The following COL14A1 variants were observed in gnomAD, a reference collection of about 807,000 sequenced individuals.
The protein encoded by COL14A1 is collagen alpha-1(XIV) chain.
A neutral mutation model predicts 230.3 loss-of-function variants in COL14A1; 136 were observed. The ratio of observed to expected loss-of-function variants is 0.59; its 90% confidence interval spans 0.51 to 0.68. The LOEUF (loss-of-function observed/expected upper bound fraction) is 0.68, where lower values mean the gene tolerates loss of function less well. Ranked by LOEUF, COL14A1 falls within the 30% of genes least tolerant of loss-of-function variation. COL14A1 has a pLI of 0.00. For missense variants in COL14A1, 1,976 were observed against 2,215.8 expected (o/e 0.89, Z 2.17); for synonymous variants, 792 against 784.1 (o/e 1.01, Z -0.17).
chr8:120,285,702 C>T (rs940576084), intron 32 of COL14A1, among the ~76,000 whole-genome samples, 159 bp from the exon 33 acceptor site: 8 of 152,082 alleles, frequency 5.3e-5, no homozygotes, highest in Non-Finnish European at 5.9e-5. Flanking sequence ...TAAAAGTCTG[C>T]GGCAACCTGG....
chr8:120,234,769 A>AT (rs1466299514), intron 19 of COL14A1, among the ~76,000 whole-genome samples: 1 of 152,134 alleles, frequency 6.6e-6, no homozygotes, highest in Non-Finnish European at 1.5e-5. Flanking sequence ...TTGGCCTGAA[A>AT]TGTTCTTTTT....
In COL14A1 at chr8:120,208,245, G is replaced by A. The variant is rs1443750011; in HGVS notation, c.1205G>A (p.Gly402Glu). 1.2e-6 allele frequency: 2 copies of A among 1,611,746 alleles called. No individual in the cohort carries two copies. The highest frequency in any genetic ancestry group is 4.5e-5 in the East Asian group (2 of 44,846). Residue 402 changes from glycine to glutamate, a missense_variant, in exon 11 of 48, where the codon GGA (glycine) becomes GAA (glutamate). By Grantham distance (98) the Gly-to-Glu change is moderately conservative (BLOSUM62 -2). Coordinates refer to ENST00000297848, the MANE Select transcript of COL14A1 (RefSeq NM_021110.4). ...TTCTTTAAACAGGTGGTGGTAGATG[G>A]AACTGTATCTTCCACAGTGTTGAAA... The part of the protein sequence containing the change: ...GGKPDEVVVD[G>E]TVSSTVLKNL...
At position 120,361,540 on chromosome 8, in the gene COL14A1, T is replaced by C. The variant is rs114049022; in HGVS notation, c.5078-5631T>C. ...GCTAGGTCCAGTACCTTGCTCTTAG[T>C]AGGCATTCACACAAACATTGAGTGA... On this transcript the variant is annotated intron_variant, in intron 45 of 47. Transcript: ENST00000297848. Among the ~76,000 whole-genome samples, 618 of 152,352 alleles carry C rather than the reference T, an allele frequency of 4.1e-3. 5 individuals are homozygous for C. The highest frequency in any genetic ancestry group is 0.014 in the African/African-American group (580 of 41,584).
chr8:120,181,862 GA>G (rs1335622439), intron 5 of COL14A1, among the ~76,000 whole-genome samples: 3 of 152,122 alleles, frequency 2.0e-5, no homozygotes, highest in Non-Finnish European at 4.4e-5. Context: ...TAAGGCAGGA[GA>G]ATTGCTTGAA....
intron 47 of COL14A1, chr8:120,370,680 C>G (rs528419776): frequency 6.9e-7 from 1 of 1,439,904 alleles, no homozygotes; most frequent in South Asian, 1.2e-5. Flanking sequence ...CCCTGTGTGA[C>G]AGCTTCATAA....
At chr8:120,175,307 T>G (rs189870098) in intron 5 of COL14A1, among the ~76,000 whole-genome samples, 1 of 152,208 alleles carries the variant, frequency 6.6e-6, no homozygotes, top group Admixed American at 6.5e-5. Context: ...TCTTTAATCA[T>G]TTTTGGAGTT....
intron 2 of COL14A1, among the ~76,000 whole-genome samples, chr8:120,153,507 TG>T (rs1194530094): frequency 1.1e-4 from 16 of 152,236 alleles, no homozygotes; most frequent in Non-Finnish European, 2.1e-4. Flanking sequence ...AGAATTTTTT[TG>T]TTTTTAGATT....
At chr8:120,242,225 G>A (rs1476379372) in intron 19 of COL14A1, among the ~76,000 whole-genome samples, 1 of 152,086 alleles carries the variant, frequency 6.6e-6, no homozygotes, top group East Asian at 1.9e-4. Flanking sequence ...TTTCTGATAA[G>A]GGTTACTCAA....
At chr8:120,367,341 T>G in intron 46 of COL14A1, 93 bp downstream of exon 46, 3 of 974,816 alleles carry the variant, frequency 3.1e-6, no homozygotes, top group Admixed American at 2.4e-5. Flanking sequence ...TACATCCTAG[T>G]ATGTAACTTA....
At chr8:120,369,067 C>T (rs1823500871) in intron 46 of COL14A1, among the ~76,000 whole-genome samples, 1 of 152,194 alleles carries the variant, frequency 6.6e-6, no homozygotes, top group Non-Finnish European at 1.5e-5. Context: ...CTTTAACATC[C>T]AAGAGGAAAT....
chr8:120,162,462 C>A lies in COL14A1; in HGVS notation c.242C>A (p.Ala81Glu). ...KTNQLNLQNT[A>E]TKAIIQGLMP... is the part of the protein sequence containing the mutation. ...AACCAGCTGAATCTGCAGAACACTG[C>A]AACTAAAGCAATTATTCAAGGCCTT... The change falls in exon 4 of 48, where the codon GCA (alanine) becomes GAA (glutamate). Residue 81 changes from alanine to glutamate, a missense_variant. Around this residue, in one of 3 missense-constraint regions of COL14A1, gnomAD observed 181 missense variants for 178.6 expected, o/e 1.01. Coordinates refer to ENST00000297848, the MANE Select transcript of COL14A1 (RefSeq NM_021110.4). The A allele has an allele frequency of 3.7e-6, 6 of 1,611,356 alleles. No individual in the cohort carries two copies. Among genetic ancestry groups the A allele is most frequent in the Non-Finnish European group, 5.1e-6 (6 of 1,178,904 alleles).
At chr8:120,127,821 T>C (rs1814393735) in intron 1 of COL14A1, among the ~76,000 whole-genome samples, 1 of 152,256 alleles carries the variant, frequency 6.6e-6, no homozygotes, top group South Asian at 2.1e-4. Context: ...TTTCCTGGCC[T>C]GTCTAGTGTA....
intron 1 of COL14A1, among the ~76,000 whole-genome samples, chr8:120,131,671 T>C (rs1258388140): frequency 6.6e-6 from 1 of 152,048 alleles, no homozygotes; most frequent in Non-Finnish European, 1.5e-5. Context: ...GTCTATTTAC[T>C]CTCTTGATAG....
chr8:120,289,743 G>A lies in COL14A1; in HGVS notation c.4213G>A (p.Gly1405Arg). 1 of 1,613,664 alleles carries A rather than the reference G, an allele frequency of 6.2e-7. No individual in the cohort carries two copies. The highest frequency in any genetic ancestry group is 8.5e-7 in the Non-Finnish European group (1 of 1,179,792). ...GCTAGGGAAAATGGTTCGATCAAGA[G>A]GACCAGGTGGAAACTCTGCACCGGT... Reference protein sequence around the residue: ...EVLGKMVRSRGPGGNSAPFQL... With the variant: ...EVLGKMVRSRRPGGNSAPFQL... The change falls in exon 34 of 48, where the codon GGA becomes AGA. Residue 1405 changes from glycine to arginine, a missense_variant. Coordinates refer to ENST00000297848, the MANE Select transcript of COL14A1 (RefSeq NM_021110.4).
chr8:120,170,764 T>C (rs1221506260), intron 5 of COL14A1, among the ~76,000 whole-genome samples: 2 of 152,066 alleles, frequency 1.3e-5, no homozygotes, highest in Non-Finnish European at 2.9e-5. Context: ...TTATTCTTAG[T>C]AATTCAATAT....
chr8:120,127,408 TTGGAACCCATCAGGATTCC>T (rs1814378500), intron 1 of COL14A1, among the ~76,000 whole-genome samples: 1 of 152,210 alleles, frequency 6.6e-6, no homozygotes, highest in Non-Finnish European at 1.5e-5. Context: ...GAAGTATTCC[TTGGAACCCATCAGGATTCC>T]TGGAGCAGTT....
At position 120,254,821 on chromosome 8, in the gene COL14A1, C is replaced by CAAA. The variant is rs59681431; in HGVS notation, c.2753-400_2753-398dup. On this transcript the variant is annotated intron_variant, in intron 22 of 47. Transcript: ENST00000297848. Reference sequence around the variant, plus strand: ...GCAACATGGCGAAACACTGCCTCTACAAAAAAAAAAAAAAAAAAAAATTAG... The same window carrying CAAA: ...GCAACATGGCGAAACACTGCCTCTACAAAAAAAAAAAAAAAAAAAAAAAATTAG... Among the ~76,000 whole-genome samples, 153 of 93,548 alleles carry CAAA rather than the reference C, an allele frequency of 1.6e-3. 3 individuals are homozygous for CAAA. Among genetic ancestry groups the CAAA allele is most frequent in the Non-Finnish European group, 2.0e-3 (91 of 46,554 alleles). The allele number at this position is 93,548 out of a possible 152,430, so 61.4% of individuals were successfully genotyped here.
chr8:120,153,547 G>A (rs6996015), intron 2 of COL14A1, among the ~76,000 whole-genome samples: 58,688 of 151,966 alleles, frequency 0.39, 12,155 homozygotes, highest in East Asian at 0.57. Context: ...ATACTTTTCT[G>A]CTGTTTAAAA....
Position 120,310,051 on chromosome 8 carries a change from C to T in COL14A1, c.4444C>T (p.Pro1482Ser), listed in dbSNP as rs766073763. 2.2e-5 allele frequency: 35 copies of T among 1,613,236 alleles called. No homozygotes were observed. In the South Asian group the frequency reaches 3.6e-4, roughly 17 times the overall value. The part of the protein sequence containing the change: ...LRGPKGQQGE[P>S]GPKGPDGPRG... The stretch of plus-strand genomic sequence containing the variant: ...AGGACCAAAGGGCCAGCAAGGTGAA[C>T]CGGGTCCAAAGGTAATGCGCATGTT... The change falls in exon 37 of 48, where the codon CCG becomes TCG. Residue 1482 changes from proline (P) to serine (S), a missense_variant. Transcript: ENST00000297848.
Sources: gnomAD v4.1 joint callset for allele counts (sites outside exome capture counted in the v4.1 genomes callset) on GRCh38, gnomAD v4.1.1 for gene constraint, gnomAD v4.1.1 regional missense constraint, MANE v1.5 for transcripts, NCBI Gene and HGNC (gene_info 2026-07-23, HGNC 2026-07-21) for gene names.